The following MED13L variants were observed in gnomAD, a reference collection of about 807,000 sequenced individuals.
MED13L encodes the protein mediator of RNA polymerase II transcription subunit 13-like.
In MED13L, 7 loss-of-function variants were observed where a neutral mutation model predicts 220.9. The ratio of observed to expected loss-of-function variants is 0.03; its 90% CI spans 0.02 to 0.06. MED13L has a LOEUF of 0.06. Among genes scored for constraint, MED13L ranks in the 10% least tolerant of loss-of-function variants. MED13L has a pLI of 1.00. For synonymous variants in MED13L, 1,011 were observed against 1,015.2 expected (o/e 1.00, Z 0.08); for missense variants, 1,965 against 2,760.5 (o/e 0.71, Z 6.46).
chr12:116,185,104 A>C lies in MED13L; in HGVS notation c.310+52364T>G, dbSNP rs74623407. Among the ~76,000 whole-genome samples, 1,219 of 152,330 alleles carry C rather than the reference A, an allele frequency of 8.0e-3. 22 individuals are homozygous for C. The highest frequency in any genetic ancestry group is 0.028 in the African/African-American group (1,150 of 41,570). The stretch of plus-strand genomic sequence containing the variant: ...AAGATGTACACCAAGAAATTTTAAC[A>C]AACATCTTTATTCTCAAAGCGCCTC... On this transcript the variant is annotated intron_variant, in intron 2 of 30. Coordinates refer to ENST00000281928, the MANE Select transcript of MED13L (RefSeq NM_015335.5).
rs956074560 is a variant in MED13L, at chr12:116,230,433, T to G, written c.310+7035A>C. The G allele has an allele frequency of 6.2e-6, 6 of 964,572 alleles. No individual in the cohort carries two copies. In the African/African-American group the frequency reaches 1.1e-4, roughly 17 times the overall value. 59.8% of individuals were successfully genotyped at this position (964,572 alleles called of 1,614,324 possible). A position where few individuals can be genotyped will look rare whatever the true frequency, so the allele number is the denominator to read the frequency against. On this transcript the variant is annotated intron_variant, in intron 2 of 30. Coordinates refer to ENST00000281928, the MANE Select transcript of MED13L (RefSeq NM_015335.5). ...TAAAAAAAAGTAAAATGAAACTTAC[T>G]TTTCAGGTGCACTGTGATACCAATC...
chr12:116,134,338 T>C (rs565113996), intron 2 of MED13L, among the ~76,000 whole-genome samples: 1 of 152,274 alleles, frequency 6.6e-6, no homozygotes, highest in East Asian at 1.9e-4. Flanking sequence ...AAGCACATTA[T>C]GAACAAAAAG....
chr12:116,148,069 A>AAAAAAAAAAAAAAC (rs1877690790), intron 2 of MED13L, among the ~76,000 whole-genome samples: 1 of 129,960 alleles, frequency 7.7e-6, no homozygotes, highest in Non-Finnish European at 1.6e-5. Context: ...AAAAAAAAAA[A>AAAAAAAAAAAAAAC]AAAAAGAGGG....
intron 2 of MED13L, among the ~76,000 whole-genome samples, chr12:116,125,021 TCTA>T (rs1371954419): frequency 6.6e-6 from 1 of 152,216 alleles, no homozygotes; most frequent in African/African-American, 2.4e-5. Flanking sequence ...TTTTAAGCTT[TCTA>T]CAACACTATT....
In MED13L at chr12:116,098,810, C is replaced by A. The variant is rs549134681; in HGVS notation, c.396-2058G>T. On this transcript the variant is annotated intron_variant, in intron 3 of 30. Coordinates refer to ENST00000281928, the MANE Select transcript of MED13L (RefSeq NM_015335.5). The stretch of plus-strand genomic sequence containing the variant: ...CTTTTTAGGGGTAAGGACTGTGACT[C>A]CATTAAATTTAGAAAATAGGAAATA... Among the ~76,000 whole-genome samples the A allele has an allele frequency of 5.3e-5, 8 of 152,196 alleles. No individual in the cohort carries two copies. The East Asian group carries it at 1.5e-3, about 29-fold the overall frequency.
At chr12:116,184,588 T>G (rs754136963) in intron 2 of MED13L, among the ~76,000 whole-genome samples, 1 of 152,162 alleles carries the variant, frequency 6.6e-6, no homozygotes, top group African/African-American at 2.4e-5. Flanking sequence ...TAACAATAAA[T>G]CATTTATCCA....
At chr12:116,122,671 G>C (rs1346948215) in intron 2 of MED13L, among the ~76,000 whole-genome samples, 1 of 152,146 alleles carries the variant, frequency 6.6e-6, no homozygotes, top group Non-Finnish European at 1.5e-5. Flanking sequence ...ATATTTGGCA[G>C]ACAGAAGCAC....
At chr12:116,106,828 G>A (rs1021635499) in intron 3 of MED13L, among the ~76,000 whole-genome samples, 6 of 150,306 alleles carry the variant, frequency 4.0e-5, no homozygotes, top group African/African-American at 9.8e-5. Flanking sequence ...CCCAGGCAAC[G>A]GAGCGAGACT....
chr12:115,968,812 T>G, intron 28 of MED13L, 128 bp downstream of exon 28: 5 of 1,170,670 alleles, frequency 4.3e-6, no homozygotes, highest in Non-Finnish European at 6.3e-6. Flanking sequence ...CCCACACTTA[T>G]TTCTCTTGTA....
At chr12:116,069,051 C>T (rs1002033819) in intron 4 of MED13L, among the ~76,000 whole-genome samples, 2 of 152,118 alleles carry the variant, frequency 1.3e-5, no homozygotes, top group Non-Finnish European at 1.5e-5. Context: ...CCCCAAGGAA[C>T]GCAGAGCCTC....
At chr12:116,216,808 G>A (rs1440699814) in intron 2 of MED13L, among the ~76,000 whole-genome samples, 1 of 152,148 alleles carries the variant, frequency 6.6e-6, no homozygotes, top group Non-Finnish European at 1.5e-5. Flanking sequence ...AGTTACTGTA[G>A]CAAAGACTAA....
At chr12:116,007,388 A>C in intron 11 of MED13L, 23 bp downstream of exon 11, 1,742 of 1,241,432 alleles carry the variant, frequency 1.4e-3, no homozygotes, top group Non-Finnish European at 1.9e-3. Flanking sequence ...ACCATGCTGG[A>C]CTCTCTCTCT....
At chr12:116,213,445 CTT>C (rs1882827532) in intron 2 of MED13L, among the ~76,000 whole-genome samples, 2 of 152,242 alleles carry the variant, frequency 1.3e-5, no homozygotes, top group South Asian at 2.1e-4. Context: ...GAGTTTTGCT[CTT>C]GTTGCCCAGG....
intron 3 of MED13L, among the ~76,000 whole-genome samples, chr12:116,106,130 G>A (rs1873553123): frequency 6.6e-6 from 1 of 152,160 alleles, no homozygotes; most frequent in Non-Finnish European, 1.5e-5. Flanking sequence ...TCTATTGGAT[G>A]AGCTAGTAAC....
At chr12:116,179,417 C>T (rs1270777304) in intron 2 of MED13L, among the ~76,000 whole-genome samples, 1 of 152,052 alleles carries the variant, frequency 6.6e-6, no homozygotes, top group African/African-American at 2.4e-5. Context: ...TGAGACCAGC[C>T]TGGGCAACAT....
At chr12:116,041,822 G>A (rs1014582363) in intron 4 of MED13L, among the ~76,000 whole-genome samples, 2 of 152,192 alleles carry the variant, frequency 1.3e-5, no homozygotes, top group Non-Finnish European at 2.9e-5. Flanking sequence ...GCGACAGAGC[G>A]AGACTCTGTC....
chr12:116,021,835 T>C (rs192220169), intron 5 of MED13L, among the ~76,000 whole-genome samples: 136 of 152,316 alleles, frequency 8.9e-4, no homozygotes, highest in African/African-American at 3.0e-3. Context: ...AGATTTGTAA[T>C]GCTCAGATCA....
intron 11 of MED13L, chr12:116,007,092 C>A: frequency 8.2e-6 from 3 of 366,146 alleles, no homozygotes; most frequent in East Asian, 5.9e-5. Flanking sequence ...TTGGGTAGTT[C>A]GGAATAATAT....
At chr12:116,232,038 T>C in intron 2 of MED13L, 2 of 960,052 alleles carry the variant, frequency 2.1e-6, no homozygotes, top group Non-Finnish European at 2.5e-6. Flanking sequence ...ACAATAGTAC[T>C]AGTATCTTAA....
Sources: allele counts gnomAD v4.1 joint callset (sites outside exome capture counted in the v4.1 genomes callset), GRCh38; gene constraint gnomAD v4.1.1; transcripts MANE v1.5; gene names NCBI Gene and HGNC (gene_info 2026-07-23, HGNC 2026-07-21).